Variants in RGPD8 observed in about 807,000 individuals in gnomAD.
The protein encoded by RGPD8 is RANBP2-like and GRIP domain-containing protein 8.
RGPD8 carries 15 observed loss-of-function variants against 89.1 expected under a neutral mutation model. The ratio of observed to expected loss-of-function variants is 0.17; its 90% CI spans 0.11 to 0.26. The LOEUF (loss-of-function observed/expected upper bound fraction) is 0.26. RGPD8 is among the 10% of genes least tolerant of loss of function. The pLI, the probability that RGPD8 is intolerant of heterozygous loss-of-function variation, is 1.00. For missense variants in RGPD8, 178 were observed against 1,179.6 expected (o/e 0.15, Z 12.44); for synonymous variants, 62 against 420.9 (o/e 0.15, Z 10.44).
chr2:112,416,213 CAAAAT>C (rs1679409328), intron 6 of RGPD8, among the ~76,000 whole-genome samples: 1 of 152,068 alleles, frequency 6.6e-6, no homozygotes, highest in African/African-American at 2.4e-5. Context: ...ACAAAGAACA[CAAAAT>C]AAAACATCCT....
intron 1 of RGPD8, among the ~76,000 whole-genome samples, chr2:112,426,914 G>A (rs893857259): frequency 1.1e-4 from 16 of 148,464 alleles, no homozygotes; most frequent in East Asian, 2.0e-4. Flanking sequence ...CAACCTCTGC[G>A]TCCCGGGTAC....
intron 1 of RGPD8, among the ~76,000 whole-genome samples, chr2:112,429,476 T>C (rs1214112858): frequency 2.5e-5 from 3 of 122,004 alleles, no homozygotes. Context: ...AGAAAGGGAA[T>C]TAAAAATAAC....
intron 1 of RGPD8, among the ~76,000 whole-genome samples, chr2:112,425,037 C>G (rs1679713762): frequency 6.6e-6 from 1 of 152,094 alleles, no homozygotes; most frequent in Admixed American, 6.5e-5. Context: ...GCACTCCAGC[C>G]TGGGTGACAC....
At chr2:112,433,039 C>G (rs1255936590) in intron 1 of RGPD8, among the ~76,000 whole-genome samples, 1 of 88,260 alleles carries the variant, frequency 1.1e-5, no homozygotes. Context: ...CCCATCGAGG[C>G]CGCCCCCGGG....
intron 4 of RGPD8, among the ~76,000 whole-genome samples, chr2:112,420,132 T>G (rs1361363997): frequency 7.6e-6 from 1 of 132,206 alleles, no homozygotes; most frequent in Non-Finnish European, 1.5e-5. Context: ...GTAGCACCAC[T>G]GCACTCCAGC....
intron 1 of RGPD8, among the ~76,000 whole-genome samples, chr2:112,427,975 TAAAA>T (rs1382839460): frequency 2.8e-4 from 42 of 149,750 alleles, no homozygotes; most frequent in Non-Finnish European, 3.8e-4. Flanking sequence ...TAAACATCAT[TAAAA>T]AAAAGGGTAA....
Position 112,390,069 on chromosome 2 carries a change from C to A in RGPD8, c.2876G>T (p.Gly959Val), listed in dbSNP as rs576321334. Residue 959 changes from glycine to valine, a missense_variant, in exon 20 of 23, where the codon GGT becomes GTT. Coordinates refer to ENST00000302558, the MANE Select transcript of RGPD8 (RefSeq NM_001164463.1). ...QDIRGRKKGR[G>V]VIFGQTSSTF... ...GCTACTTGTTTGGCCAAAAATCACA[C>A]CACGGCCCTTCTTCCGGCCCCTAAT... 3.6e-5 allele frequency: 57 copies of A among 1,574,122 alleles called. 8 individuals are homozygous for A. Among genetic ancestry groups the A allele is most frequent in the Non-Finnish European group, 4.8e-5 (55 of 1,152,090 alleles).
chr2:112,410,606 T>A (rs1679135640), intron 7 of RGPD8, among the ~76,000 whole-genome samples: 1 of 148,164 alleles, frequency 6.7e-6, no homozygotes, highest in Admixed American at 6.6e-5. Flanking sequence ...TGAAATCCCA[T>A]CTCTATTAAA....
Position 112,379,604 on chromosome 2 carries a change from A to C in RGPD8, c.5061+1220T>G, listed in dbSNP as rs1193940273. Among the ~76,000 whole-genome samples the C allele has an allele frequency of 8.5e-5, 10 of 117,310 alleles. 1 individual carries two copies. In the South Asian group the frequency reaches 1.6e-3, roughly 19 times the overall value. The allele number at this position is 117,310 out of a possible 152,430, so 77.0% of individuals were successfully genotyped here. A position where few individuals can be genotyped will look rare whatever the true frequency, so the allele number is the denominator to read the frequency against. The stretch of plus-strand genomic sequence containing the variant: ...AGCGAGACTATCTCAAAAAAAAAAA[A>C]CAAGAAAATATAACATTTAAATAAG... On this transcript the variant is annotated intron_variant, in intron 21 of 22. Transcript: ENST00000302558.
intron 6 of RGPD8, among the ~76,000 whole-genome samples, chr2:112,416,078 G>A (rs1270337355): frequency 1.8e-5 from 2 of 108,268 alleles, no homozygotes; most frequent in African/African-American, 7.4e-5. Flanking sequence ...GACAGAGCAA[G>A]ACTCCATCTC....
intron 22 of RGPD8, among the ~76,000 whole-genome samples, chr2:112,371,034 A>G (rs1677951776): frequency 6.6e-6 from 1 of 151,350 alleles, no homozygotes; most frequent in African/African-American, 2.4e-5. Flanking sequence ...ACAACTAAAT[A>G]TTGTTGACGA....
At chr2:112,410,558 A>G (rs575879019) in intron 7 of RGPD8, among the ~76,000 whole-genome samples, 3 of 151,886 alleles carry the variant, frequency 2.0e-5, no homozygotes, top group Non-Finnish European at 4.4e-5. Context: ...TGGGTGGATC[A>G]CGAGGTCAGA....
chr2:112,373,548 C>T (rs530526783), intron 22 of RGPD8, among the ~76,000 whole-genome samples: 1 of 152,302 alleles, frequency 6.6e-6, no homozygotes, highest in East Asian at 1.9e-4. Flanking sequence ...GCTGATGATA[C>T]AGTCAGGTAT....
chr2:112,429,547 AACT>A (rs1679932161), intron 1 of RGPD8, among the ~76,000 whole-genome samples: 1 of 152,048 alleles, frequency 6.6e-6, no homozygotes, highest in Admixed American at 6.5e-5. Flanking sequence ...CAGAAAAAAC[AACT>A]AACAGCTGTC....
intron 1 of RGPD8, among the ~76,000 whole-genome samples, chr2:112,426,238 A>G (rs1023976365): frequency 1.3e-5 from 2 of 152,216 alleles, no homozygotes; most frequent in African/African-American, 4.8e-5. Flanking sequence ...TAAATAAAAT[A>G]AAGGTCACTT....
chr2:112,431,703 C>G, intron 1 of RGPD8, among the ~76,000 whole-genome samples: 1 of 148,758 alleles, frequency 6.7e-6, no homozygotes, highest in Non-Finnish European at 1.5e-5. Context: ...GTAGCGCGAT[C>G]TCGGCTCACT....
intron 5 of RGPD8, 143 bp from the exon 6 acceptor site, chr2:112,417,481 C>T: frequency 9.6e-7 from 1 of 1,040,606 alleles, no homozygotes; most frequent in South Asian, 1.6e-5. Context: ...TAAATGAAAA[C>T]ACCAAAAATA....
intron 22 of RGPD8, among the ~76,000 whole-genome samples, chr2:112,374,855 ATTCTT>A (rs1678072750): frequency 1.0e-5 from 1 of 96,202 alleles, no homozygotes; most frequent in African/African-American, 4.6e-5. Context: ...TGTAGTTTAC[ATTCTT>A]TTTTTTTTTT....
At chr2:112,427,648 TTCTC>T (rs200228280) in intron 1 of RGPD8, among the ~76,000 whole-genome samples, 2 of 147,584 alleles carry the variant, frequency 1.4e-5, no homozygotes, top group African/African-American at 2.5e-5. Context: ...AGTTCTAAAT[TTCTC>T]TCTTTTTTTT....
Sources: gnomAD v4.1 joint callset for allele counts (sites outside exome capture counted in the v4.1 genomes callset) on GRCh38, gnomAD v4.1.1 for gene constraint, MANE v1.5 for transcripts, NCBI Gene and HGNC (gene_info 2026-07-23, HGNC 2026-07-21) for gene names.